Variants in LPIN1 observed in about 807,000 individuals in gnomAD.
The protein encoded by LPIN1 is phosphatidate phosphatase LPIN1.
Under a neutral mutation model 107.5 loss-of-function variants are expected in LPIN1, and 71 were observed. The ratio of observed to expected loss-of-function variants is 0.66; its 90% CI spans 0.55 to 0.80. The LOEUF (loss-of-function observed/expected upper bound fraction) is 0.80. Ranked by LOEUF, LPIN1 falls within the 30% of genes least tolerant of loss-of-function variation. LPIN1 has a pLI of 0.00. For missense variants in LPIN1, 1,043 were observed against 1,160.6 expected (o/e 0.90, Z 1.47); for synonymous variants, 445 against 452.6 (o/e 0.98, Z 0.21).
chr2:11,753,916 G>A (rs545257133), intron 1 of LPIN1, among the ~76,000 whole-genome samples: 2 of 152,102 alleles, frequency 1.3e-5, no homozygotes, highest in Non-Finnish European at 2.9e-5. Flanking sequence ...ATGTGATCTC[G>A]GCGAACACCA....
chr2:11,775,813 G>C (rs1672568140), intron 5 of LPIN1, among the ~76,000 whole-genome samples: 1 of 148,702 alleles, frequency 6.7e-6, no homozygotes, highest in Non-Finnish European at 1.5e-5. Context: ...GTTGAGAGTA[G>C]TCAAATACTT....
intron 1 of LPIN1, among the ~76,000 whole-genome samples, chr2:11,708,766 A>G (rs59844400): frequency 0.086 from 13,155 of 152,222 alleles, 800 homozygotes; most frequent in East Asian, 0.3. Context: ...AGCCAGGGTT[A>G]GAGTTAGAAC....
In LPIN1 at chr2:11,765,862, G is replaced by A. The variant is rs911149165; in HGVS notation, c.192+129G>A. 9.6e-6 allele frequency: 7 copies of A among 729,450 alleles called. No individual in the cohort carries two copies. Among genetic ancestry groups the A allele is most frequent in the Admixed American group, 5.8e-5 (2 of 34,440 alleles). 45.2% of individuals were successfully genotyped at this position (729,450 alleles called of 1,614,324 possible). On this transcript the variant is annotated intron_variant, in intron 2 of 20. Coordinates refer to ENST00000674199, the MANE Select transcript of LPIN1 (RefSeq NM_001349206.2). This position sits in a 1 kb window ranked among gnomAD's most constrained non-coding sequence, Gnocchi z 4.4. The stretch of plus-strand genomic sequence containing the variant: ...GTCTTCGTTGGAAATGGCCAGTCAC[G>A]GAACTGACAGTGACTAATTGAAATT...
intron 1 of LPIN1, among the ~76,000 whole-genome samples, chr2:11,735,367 C>A (rs899164099): frequency 1.3e-5 from 2 of 151,706 alleles, no homozygotes; most frequent in African/African-American, 2.4e-5. Context: ...TTTGATGCTC[C>A]TTTTAGGTGT....
chr2:11,703,581 C>T (rs13407481), intron 1 of LPIN1, among the ~76,000 whole-genome samples: 24,189 of 152,128 alleles, frequency 0.16, 2,148 homozygotes, highest in East Asian at 0.3. Flanking sequence ...TTGCCATAAA[C>T]ATACACACAA....
chr2:11,793,070 C>T (rs755112385), intron 13 of LPIN1, among the ~76,000 whole-genome samples: 5 of 152,178 alleles, frequency 3.3e-5, no homozygotes, highest in Non-Finnish European at 5.9e-5. Context: ...ATCAAGTAGT[C>T]GACTAAGCAG....
chr2:11,762,461 T>C (rs1669999453), intron 1 of LPIN1, among the ~76,000 whole-genome samples: 1 of 152,028 alleles, frequency 6.6e-6, no homozygotes, highest in Non-Finnish European at 1.5e-5. Context: ...GGGGAGTGGC[T>C]GAAGGCACCA....
rs1259792255 is a variant in LPIN1, at chr2:11,771,452, C to T, written c.369C>T (p.Gly123=). ...GAATGGAATGCCAGCTGAAAAGGGG[C>T]TCTGTGGACAGGATGAGAGGCCTGG... The part of the protein sequence containing the change: ...ASRMECQLKR[G]SVDRMRGLDP... Residue 123 remains glycine (G), a synonymous_variant, in exon 4 of 21, where the codon GGC becomes GGT. Coordinates refer to ENST00000674199, the MANE Select transcript of LPIN1 (RefSeq NM_001349206.2). This position sits in a 1 kb window ranked among gnomAD's most constrained non-coding sequence, Gnocchi z 4.8. 1 of 1,614,262 alleles carries T rather than the reference C, an allele frequency of 6.2e-7. No homozygotes were observed. Among genetic ancestry groups the T allele is most frequent in the Admixed American group, 1.7e-5 (1 of 60,030 alleles).
rs775811236 is a variant in LPIN1 at position 11,779,499 on chromosome 2, C to T, written c.831-20C>T. The T allele has an allele frequency of 1.2e-6, 2 of 1,612,212 alleles. No individual in the cohort carries two copies. The highest frequency in any genetic ancestry group is 1.7e-5 in the Admixed American group (1 of 59,986). Reference sequence around the variant, plus strand: ...AAGTTTCTTTTCCCACCTTAATTTTCGCTTTGTGTTTTCCTTAAGTCCTTC... The same window carrying T: ...AAGTTTCTTTTCCCACCTTAATTTTTGCTTTGTGTTTTCCTTAAGTCCTTC... On this transcript the variant is annotated intron_variant, in intron 6 of 20. Coordinates refer to ENST00000674199, the MANE Select transcript of LPIN1 (RefSeq NM_001349206.2).
chr2:11,722,685 T>G (rs1346422865), upstream of LPIN1, among the ~76,000 whole-genome samples: 1 of 152,184 alleles, frequency 6.6e-6, no homozygotes, highest in Non-Finnish European at 1.5e-5. Context: ...ACATGCAGGC[T>G]TCAGTAACAC....
intron 14 of LPIN1, among the ~76,000 whole-genome samples, chr2:11,802,118 T>C (rs940652505): frequency 7.9e-5 from 12 of 151,726 alleles, no homozygotes; most frequent in African/African-American, 4.9e-5. Context: ...TCATATAGCA[T>C]TGAGGCATTT....
intron 1 of LPIN1, among the ~76,000 whole-genome samples, chr2:11,733,762 G>C (rs1665511322): frequency 6.6e-6 from 1 of 152,212 alleles, no homozygotes; most frequent in African/African-American, 2.4e-5. Flanking sequence ...AAAGTGCTGG[G>C]ATTACAGGCG....
At position 11,782,309 on chromosome 2, in the gene LPIN1, G is replaced by A; in HGVS notation, c.1066G>A (p.Asp356Asn). The change falls in exon 8 of 21, where the codon GAC (aspartate) becomes AAC (asparagine). Residue 356 changes from aspartate to asparagine, a missense_variant. Physicochemically the swap from Asp to Asn is conservative, Grantham distance 23. Transcript: ENST00000674199. ...IHSESSDTFS[D>N]QSPTLVGGAL... is the part of the protein sequence containing the mutation. ...CAGCGAATCTTCAGACACTTTTAGT[G>A]ACCAATCGCCAACTCTGGTCGGTGG... The A allele has an allele frequency of 6.2e-7, 1 of 1,614,148 alleles. No individual in the cohort carries two copies.
rs185467931 is a variant in LPIN1 at position 11,754,463 on chromosome 2, G to A, written c.-10+7792G>A. Reference sequence around the variant, plus strand: ...CAGACTGAACCCAGGAGGGTGTTTCGGCCTTTCTAAGTCCTTAAGGGTTGT... The same window carrying A: ...CAGACTGAACCCAGGAGGGTGTTTCAGCCTTTCTAAGTCCTTAAGGGTTGT... On this transcript the variant is annotated intron_variant, in intron 1 of 20. Coordinates refer to ENST00000674199, the MANE Select transcript of LPIN1 (RefSeq NM_001349206.2). 5.3e-5 allele frequency among the ~76,000 whole-genome samples: 8 copies of A among 152,286 alleles called. No individual in the cohort carries two copies. In the East Asian group the frequency reaches 1.5e-3, roughly 29 times the overall value.
chr2:11,803,178 G>GT lies in LPIN1; in HGVS notation c.2013+148dup. On this transcript the variant is annotated intron_variant, in intron 15 of 20. Transcript: ENST00000674199. The surrounding 1 kb of genome is among the most constrained non-coding windows in gnomAD (Gnocchi z 4.2). ...GCAATCCCTCAACTGGGTACCCGCT[G>GT]TTTCCACCCCAACTCCAGCACTATC... is the stretch of plus-strand genomic sequence containing the variant. The GT allele has an allele frequency of 9.1e-7, 1 of 1,099,060 alleles. No homozygotes were observed. The allele number at this position is 1,099,060 out of a possible 1,614,324, so 68.1% of individuals were successfully genotyped here.
intron 1 of LPIN1, among the ~76,000 whole-genome samples, chr2:11,747,475 C>G (rs1476365891): frequency 1.3e-5 from 2 of 152,140 alleles, no homozygotes; most frequent in Non-Finnish European, 2.9e-5. Context: ...GATCAGCAAG[C>G]AGGAAACCAA....
intron 1 of LPIN1, among the ~76,000 whole-genome samples, chr2:11,755,426 G>A (rs1668522802): frequency 6.6e-6 from 1 of 152,166 alleles, no homozygotes; most frequent in Non-Finnish European, 1.5e-5. Flanking sequence ...CTGCGATGGG[G>A]CAGGTACCGC....
intron 3 of LPIN1, among the ~76,000 whole-genome samples, chr2:11,768,850 G>T (rs1442493404): frequency 6.6e-6 from 1 of 152,096 alleles, no homozygotes; most frequent in Non-Finnish European, 1.5e-5. Context: ...GCAGGAGAAT[G>T]GCGTGAACCC....
upstream of LPIN1, chr2:11,677,574 G>A (rs1661494311): frequency 2.6e-6 from 3 of 1,146,618 alleles, no homozygotes; most frequent in Middle Eastern, 2.1e-4. Context: ...CCCAGCTTCT[G>A]AGCCGGTGTT....
Sources: gnomAD v4.1 joint callset for allele counts (sites outside exome capture counted in the v4.1 genomes callset) on GRCh38, gnomAD v4.1.1 for gene constraint, Gnocchi (gnomAD v3.1) non-coding constraint, MANE v1.5 for transcripts, NCBI Gene and HGNC (gene_info 2026-07-23, HGNC 2026-07-21) for gene names.